The following ZNF385B variants were observed in gnomAD, a reference collection of about 807,000 sequenced individuals.
ZNF385B encodes the protein zinc finger protein 385B, also known as zinc finger protein 533.
Under a neutral mutation model 39.2 loss-of-function variants are expected in ZNF385B, and 23 were observed. That is an observed-to-expected ratio of 0.59 (90% CI 0.42 to 0.83). ZNF385B has a LOEUF of 0.83. Ranked by LOEUF, ZNF385B falls within the 40% of genes least tolerant of loss-of-function variation. The pLI is 0.00. For synonymous variants in ZNF385B, 205 were observed against 222.6 expected, an observed-to-expected ratio of 0.92 and a Z score of 0.70; for missense variants, 552 against 598.9, an observed-to-expected ratio of 0.92 and a Z score of 0.82.
At chr2:179,848,357 G>A (rs1708907033) in intron 1 of ZNF385B, among the ~76,000 whole-genome samples, 1 of 152,156 alleles carries the variant, frequency 6.6e-6, no homozygotes. Flanking sequence ...AAAGTTTATA[G>A]GCTGTTGAGG....
rs1372550598 is a variant in ZNF385B, at chr2:179,442,928, A to C, written c.*322T>G. The C allele has an allele frequency of 2.5e-6, 1 of 407,512 alleles. No individual in the cohort carries two copies. The highest frequency in any genetic ancestry group is 4.6e-6 in the Non-Finnish European group (1 of 219,714). 25.2% of individuals were successfully genotyped at this position (407,512 alleles called of 1,614,324 possible). On this transcript the variant is annotated 3_prime_UTR_variant, in exon 10 of 10. Transcript: ENST00000410066. ...AGATCATACCCATGGAAAAATAGAG[A>C]ATGGTTTTCTTTCTTTTTCTTTCTG...
At chr2:179,626,038 T>C (rs1690635100) in intron 3 of ZNF385B, among the ~76,000 whole-genome samples, 1 of 152,070 alleles carries the variant, frequency 6.6e-6, no homozygotes, top group African/African-American at 2.4e-5. Context: ...CAGTAACTTT[T>C]CTTATTGTAC....
At chr2:179,667,134 A>AC (rs750403498) in intron 3 of ZNF385B, among the ~76,000 whole-genome samples, 13 of 152,078 alleles carry the variant, frequency 8.5e-5, no homozygotes, top group Non-Finnish European at 1.5e-4. Context: ...TCTTCCCCCC[A>AC]CCAAAAGGGA....
At chr2:179,567,067 C>T (rs1256403881) in intron 3 of ZNF385B, among the ~76,000 whole-genome samples, 1 of 151,974 alleles carries the variant, frequency 6.6e-6, no homozygotes, top group Admixed American at 6.6e-5. Flanking sequence ...AGGCACCAGC[C>T]ACCACACCTG....
At chr2:179,744,779 T>C (rs563480734) in intron 3 of ZNF385B, among the ~76,000 whole-genome samples, 20 of 152,250 alleles carry the variant, frequency 1.3e-4, no homozygotes, top group African/African-American at 4.8e-4. Flanking sequence ...GCCAACCTAA[T>C]ATACTAAACA....
At chr2:179,748,891 T>A (rs1318450877) in intron 3 of ZNF385B, among the ~76,000 whole-genome samples, 2 of 152,080 alleles carry the variant, frequency 1.3e-5, no homozygotes, top group East Asian at 3.9e-4. Context: ...GGCCTAGACC[T>A]GCACTGGGGA....
At position 179,806,796 on chromosome 2, in the gene ZNF385B, C is replaced by T. The variant is rs923192; in HGVS notation, c.-154-36124G>A. Among the ~76,000 whole-genome samples the T allele has an allele frequency of 1.8e-3, 275 of 152,254 alleles. 2 individuals carry two copies. The highest frequency in any genetic ancestry group is 0.014 in the Middle Eastern group (4 of 294). ...TCTGGCTTTTACATCCAGCTCTTAA[C>T]CCAATACTATTATTGCCTCCAAACA... On this transcript the variant is annotated intron_variant, in intron 1 of 9. Transcript: ENST00000410066.
chr2:179,842,715 CA>C (rs1708599738), intron 1 of ZNF385B, among the ~76,000 whole-genome samples: 1 of 152,082 alleles, frequency 6.6e-6, no homozygotes, highest in Admixed American at 6.5e-5. Context: ...AGCTGTTCAG[CA>C]AAGCCCCTGT....
At chr2:179,852,783 C>T (rs1341279738) in intron 1 of ZNF385B, among the ~76,000 whole-genome samples, 1 of 152,164 alleles carries the variant, frequency 6.6e-6, no homozygotes. Flanking sequence ...CTGCCTCAGA[C>T]CTAGTGAGTC....
At chr2:179,634,528 G>C (rs1691552995) in intron 3 of ZNF385B, among the ~76,000 whole-genome samples, 1 of 152,164 alleles carries the variant, frequency 6.6e-6, no homozygotes, top group African/African-American at 2.4e-5. Flanking sequence ...AGTTAGAATA[G>C]TAATCATTAA....
intron 3 of ZNF385B, among the ~76,000 whole-genome samples, chr2:179,644,456 A>C (rs927045293): frequency 1.3e-5 from 2 of 152,198 alleles, no homozygotes; most frequent in Non-Finnish European, 2.9e-5. Context: ...CGAAGTTATC[A>C]ACTTGTTGAT....
At chr2:179,459,343 C>A (rs1417997375) in intron 6 of ZNF385B, among the ~76,000 whole-genome samples, 1 of 152,138 alleles carries the variant, frequency 6.6e-6, no homozygotes, top group Non-Finnish European at 1.5e-5. Context: ...ATATAGGCAT[C>A]TGGGCTTGGT....
chr2:179,530,869 T>C (rs1322102640), intron 4 of ZNF385B, among the ~76,000 whole-genome samples: 1 of 152,174 alleles, frequency 6.6e-6, no homozygotes, highest in Admixed American at 6.5e-5. Flanking sequence ...CTTAAACATT[T>C]TGGGCCCTTA....
chr2:179,650,745 T>G (rs7607628), intron 3 of ZNF385B, among the ~76,000 whole-genome samples: 28,011 of 152,128 alleles, frequency 0.18, 3,198 homozygotes, highest in African/African-American at 0.32. Context: ...GGTAGGGCAG[T>G]GAGAAACCAA....
intron 4 of ZNF385B, among the ~76,000 whole-genome samples, chr2:179,529,435 A>G (rs1379723230): frequency 6.6e-6 from 1 of 152,174 alleles, no homozygotes; most frequent in East Asian, 1.9e-4. Context: ...TATCTTCAAG[A>G]TTTGATGTTC....
chr2:179,853,278 C>T (rs576032845), intron 1 of ZNF385B, among the ~76,000 whole-genome samples: 3 of 152,270 alleles, frequency 2.0e-5, no homozygotes, highest in African/African-American at 7.2e-5. Flanking sequence ...ACCCTGTTTA[C>T]ATAAACTGGC....
intron 3 of ZNF385B, among the ~76,000 whole-genome samples, chr2:179,757,268 C>A (rs1397299066): frequency 6.6e-6 from 1 of 152,224 alleles, no homozygotes. Flanking sequence ...GCGGAGGCTG[C>A]AGAACAGTGA....
chr2:179,542,603 T>C (rs1346390966), intron 4 of ZNF385B, among the ~76,000 whole-genome samples: 5 of 152,188 alleles, frequency 3.3e-5, no homozygotes, highest in Non-Finnish European at 5.9e-5. Flanking sequence ...GAACAAACCA[T>C]TATGAAATTG....
intron 5 of ZNF385B, among the ~76,000 whole-genome samples, chr2:179,498,547 T>C (rs1376462304): frequency 1.3e-5 from 2 of 151,930 alleles, no homozygotes; most frequent in African/African-American, 4.8e-5. Flanking sequence ...TTGGAAACTA[T>C]ACAAATATAT....
Sources: allele counts gnomAD v4.1 joint callset (sites outside exome capture counted in the v4.1 genomes callset), GRCh38; gene constraint gnomAD v4.1.1; transcripts MANE v1.5; gene names NCBI Gene and HGNC (gene_info 2026-07-23, HGNC 2026-07-21).